ZNF385A: variants seen among roughly 807,000 people sequenced by gnomAD.
ZNF385A encodes zinc finger protein 385A, also known as hematopoietic zinc finger protein.
A neutral mutation model predicts 32.1 loss-of-function variants in ZNF385A; 14 were observed. That is an observed-to-expected ratio of 0.44 (90% CI 0.29 to 0.68). The LOEUF (loss-of-function observed/expected upper bound fraction) is 0.68, where lower values mean the gene tolerates loss of function less well. Ranked by LOEUF, ZNF385A falls within the 30% of genes least tolerant of loss-of-function variation. The pLI is 0.14. For missense variants in ZNF385A, 406 were observed against 478.4 expected (o/e 0.85, Z 1.41); for synonymous variants, 197 against 202.7 (o/e 0.97, Z 0.24).
At chr12:54,375,594 G>A (rs1954808614) in intron 2 of ZNF385A, among the ~76,000 whole-genome samples, 1 of 151,872 alleles carries the variant, frequency 6.6e-6, no homozygotes, top group Non-Finnish European at 1.5e-5. Context: ...TCTCAAGGGA[G>A]GGAGAGGTCA....
Position 54,384,656 on chromosome 12 carries a change from CCCACACT to C in ZNF385A, c.-149_-143del. The C allele has an allele frequency of 2.8e-6, 4 of 1,414,348 alleles. No homozygotes were observed. Among genetic ancestry groups the C allele is most frequent in the Non-Finnish European group, 3.7e-6 (4 of 1,088,840 alleles). 87.6% of individuals were successfully genotyped at this position (1,414,348 alleles called of 1,614,324 possible). The stretch of plus-strand genomic sequence containing the variant: ...CCAGTCCCACTCCCTAGCCAGGGCC[CCCACACT>C]CAGAAGTGTCACCCTCAGTGCACAT... On this transcript the variant is annotated 5_prime_UTR_variant, in exon 1 of 7. An upstream open reading frame in the 5' UTR loses its in-frame stop. Coordinates refer to ENST00000394313, the MANE Select transcript of ZNF385A (RefSeq NM_015481.3).
At chr12:54,381,738 T>G (rs1214338945) in intron 1 of ZNF385A, among the ~76,000 whole-genome samples, 5 of 152,218 alleles carry the variant, frequency 3.3e-5, no homozygotes, top group African/African-American at 1.2e-4. Flanking sequence ...TTAAAAATCT[T>G]GCCAATAATT....
At chr12:54,376,611 G>A (rs1954861581) in intron 1 of ZNF385A, among the ~76,000 whole-genome samples, 1 of 152,208 alleles carries the variant, frequency 6.6e-6, no homozygotes, top group Non-Finnish European at 1.5e-5. Context: ...AGCTGGGCTG[G>A]CCCGAGGCAG....
intron 1 of ZNF385A, among the ~76,000 whole-genome samples, chr12:54,379,677 C>G (rs909042040): frequency 6.6e-6 from 1 of 152,156 alleles, no homozygotes; most frequent in African/African-American, 2.4e-5. Context: ...GTGTCAGGCA[C>G]TGCTCTCTCA....
At chr12:54,373,365 C>T (rs1954661030) in intron 3 of ZNF385A, among the ~76,000 whole-genome samples, 1 of 151,936 alleles carries the variant, frequency 6.6e-6, no homozygotes. Flanking sequence ...AATATTCCTG[C>T]TTTCCAATTT....
chr12:54,375,987 C>T (rs756605649), intron 1 of ZNF385A, 33 bp from the exon 2 acceptor site: 2 of 1,558,662 alleles, frequency 1.3e-6, no homozygotes, highest in Non-Finnish European at 1.8e-6. Context: ...GCCGGGAACC[C>T]TAGCGCAACT....
At chr12:54,386,446 A>AAGAGAAG (rs1179695785), upstream of ZNF385A, among the ~76,000 whole-genome samples, 1 of 152,022 alleles carries the variant, frequency 6.6e-6, no homozygotes, top group African/African-American at 2.4e-5. Context: ...AGAAAGATAA[A>AAGAGAAG]AGAGAAGAGA....
rs1954443857 is a variant in ZNF385A at position 54,370,194 on chromosome 12, GC to G, written c.*61del. ...TGCCGGGAGGAGGGGCGGGCTGGGA[GC>G]CCGGACGCCTGGGTCCCGGCTGGAG... On this transcript the variant is annotated 3_prime_UTR_variant, in exon 7 of 7. Transcript: ENST00000394313. This position sits in a 1 kb window ranked among gnomAD's most constrained non-coding sequence, Gnocchi z 5.5. 3 of 1,302,086 alleles carry G rather than the reference GC, an allele frequency of 2.3e-6. No homozygotes were observed. Among genetic ancestry groups the G allele is most frequent in the African/African-American group, 1.5e-5 (1 of 65,046 alleles). 80.7% of individuals were successfully genotyped at this position (1,302,086 alleles called of 1,614,324 possible).
At chr12:54,371,435 G>A in intron 4 of ZNF385A, 38 bp downstream of exon 4, 1 of 1,590,358 alleles carries the variant, frequency 6.3e-7, no homozygotes, top group South Asian at 1.1e-5. Flanking sequence ...GGTGGCCTGA[G>A]GACAGGAGAG....
At chr12:54,380,707 TAA>T (rs1427666772) in intron 1 of ZNF385A, among the ~76,000 whole-genome samples, 1 of 152,210 alleles carries the variant, frequency 6.6e-6, no homozygotes, top group African/African-American at 2.4e-5. Context: ...TTGACCATCC[TAA>T]GTTTCTCTCT....
At chr12:54,378,798 G>C (rs935529983) in intron 1 of ZNF385A, among the ~76,000 whole-genome samples, 2 of 152,198 alleles carry the variant, frequency 1.3e-5, no homozygotes, top group African/African-American at 4.8e-5. Flanking sequence ...GGCAGGTGTA[G>C]GACCTGACAG....
chr12:54,369,407 G>A lies in ZNF385A; in HGVS notation c.*849C>T, dbSNP rs117241370. ...GACAGCCATGAGGTCTAGGAACTTG[G>A]ATCGGGGAGGCTACAGACTCGGCGA... On this transcript the variant is annotated 3_prime_UTR_variant, in exon 7 of 7. Transcript: ENST00000394313. 2.0e-3 allele frequency: 296 copies of A among 151,026 alleles called. 1 individual carries two copies. In the East Asian group the frequency reaches 0.039, roughly 20 times the overall value. 9.4% of individuals were successfully genotyped at this position (151,026 alleles called of 1,614,324 possible).
chr12:54,380,646 C>T (rs1179878218), intron 1 of ZNF385A, among the ~76,000 whole-genome samples: 1 of 152,198 alleles, frequency 6.6e-6, no homozygotes, highest in Non-Finnish European at 1.5e-5. Context: ...TTTGCTGAAG[C>T]CTCTTCCTGT....
At chr12:54,374,201 G>T in intron 2 of ZNF385A, 66 bp from the exon 3 acceptor site, 2 of 1,409,144 alleles carry the variant, frequency 1.4e-6, no homozygotes, top group Non-Finnish European at 1.9e-6. Flanking sequence ...TCCCCACAGA[G>T]CTCCCTCAAG....
chr12:54,388,598 C>G (rs1955554741), upstream of ZNF385A, among the ~76,000 whole-genome samples: 1 of 152,142 alleles, frequency 6.6e-6, no homozygotes, highest in Non-Finnish European at 1.5e-5. Flanking sequence ...GGATTAAGAT[C>G]AGAGAGAGAT....
At chr12:54,376,052 C>T in intron 1 of ZNF385A, 98 bp from the exon 2 acceptor site, 2 of 872,128 alleles carry the variant, frequency 2.3e-6, no homozygotes, top group Non-Finnish European at 3.8e-6. Context: ...GTCCCCAGAC[C>T]CCTTCTATCC....
chr12:54,375,901 G>C lies in ZNF385A; in HGVS notation c.141C>G (p.Leu47=), dbSNP rs560738184. ...AGGAAATGACGGGCCGCTTGGTCTT[G>C]AGCAAGGGTCCCCCAAAAGTGTGGG... ...VLSHTFGGPL[L]KTKRPVISCN... The change falls in exon 2 of 7, where the codon CTC becomes CTG. Residue 47 remains leucine (L), a synonymous_variant. Coordinates refer to ENST00000394313, the MANE Select transcript of ZNF385A (RefSeq NM_015481.3). The C allele has an allele frequency of 3.9e-5, 63 of 1,614,166 alleles. No individual in the cohort carries two copies. The highest frequency in any genetic ancestry group is 1.6e-4 in the Middle Eastern group (1 of 6,062).
intron 2 of ZNF385A, among the ~76,000 whole-genome samples, chr12:54,375,234 G>A (rs1954780455): frequency 6.6e-6 from 1 of 152,178 alleles, no homozygotes; most frequent in African/African-American, 2.4e-5. Flanking sequence ...AGTCCCAGTG[G>A]AGCCTCAGAG....
At chr12:54,374,184 A>C in intron 2 of ZNF385A, 49 bp from the exon 3 acceptor site, 1 of 1,384,430 alleles carries the variant, frequency 7.2e-7, no homozygotes, top group Non-Finnish European at 9.5e-7. Flanking sequence ...CTTTCATCTG[A>C]CCGATCTCCC....
Sources: allele counts gnomAD v4.1 joint callset (sites outside exome capture counted in the v4.1 genomes callset), GRCh38; gene constraint gnomAD v4.1.1; non-coding constraint Gnocchi (gnomAD v3.1); transcripts MANE v1.5; gene names NCBI Gene and HGNC (gene_info 2026-07-23, HGNC 2026-07-21).